The following PCDHA1 variants were observed in gnomAD, a reference collection of about 807,000 sequenced individuals.
PCDHA1 encodes protocadherin alpha 1.
Under a neutral mutation model 61.3 loss-of-function variants are expected in PCDHA1, and 42 were observed. The observed-to-expected ratio is 0.69, with a 90% CI of 0.54 to 0.89. PCDHA1 has a LOEUF of 0.89. Among genes scored for constraint, PCDHA1 ranks in the 40% least tolerant of loss-of-function variants. The probability of loss-of-function intolerance (pLI) is 0.00; values close to 1 mark genes in which losing one functional copy is unlikely to be tolerated. For missense variants in PCDHA1, 1,256 were observed against 1,235.3 expected, an observed-to-expected ratio of 1.02 and a Z score of -0.25; for synonymous variants, 610 against 553.8, an observed-to-expected ratio of 1.10 and a Z score of -1.43.
chr5:140,871,649 G>A (rs781859029), intron 1 of PCDHA1: 23 of 1,265,706 alleles, frequency 1.8e-5, no homozygotes, highest in Admixed American at 8.7e-5. Flanking sequence ...AATACCAAAT[G>A]ATACACATCT....
Position 140,843,307 on chromosome 5 carries a change from G to T in PCDHA1, c.2394+54623G>T, listed in dbSNP as rs2150357061. On this transcript the variant is annotated intron_variant, in intron 1 of 3. Coordinates refer to ENST00000504120, the MANE Select transcript of PCDHA1 (RefSeq NM_018900.4). ...ATGGTGAACCTGCGCTGACCGCCAC[G>T]GCCACGGTTCTGGTGTCGCTGGTGG... is the stretch of plus-strand genomic sequence containing the variant. The T allele has an allele frequency of 1.0e-5, 16 of 1,595,858 alleles. 3 individuals are homozygous for T. The highest frequency in any genetic ancestry group is 1.3e-5 in the African/African-American group (1 of 74,426).
At chr5:140,831,524 T>A (rs1771606843) in intron 1 of PCDHA1, among the ~76,000 whole-genome samples, 4 of 26,740 alleles carry the variant, frequency 1.5e-4, no homozygotes, top group Admixed American at 1.4e-3. Context: ...CCCCACCTTT[T>A]TTTTTTTTTT....
intron 1 of PCDHA1, chr5:140,870,674 A>G (rs893862947): frequency 7.4e-6 from 12 of 1,612,566 alleles, no homozygotes; most frequent in Admixed American, 6.7e-5. Flanking sequence ...CCGTTGGACC[A>G]CGAGGAGCTG....
intron 1 of PCDHA1, chr5:140,801,700 T>C: frequency 6.2e-7 from 1 of 1,614,224 alleles, no homozygotes. Context: ...AATTCGTTGT[T>C]GACTTACAGT....
rs1366024551 is a variant in PCDHA1, at chr5:140,786,228, T to C, written c.-63T>C. On this transcript the variant is annotated 5_prime_UTR_variant, in exon 1 of 4. Transcript: ENST00000504120. ...GTAAAGAGATAAATGATTGGAAATA[T>C]TAGATAAAATGGCATGATTTTGAAG... 2.0e-6 allele frequency: 3 copies of C among 1,506,836 alleles called. No homozygotes were observed. The highest frequency in any genetic ancestry group is 2.8e-5 in the African/African-American group (2 of 71,414). 93.3% of individuals were successfully genotyped at this position (1,506,836 alleles called of 1,614,324 possible).
intron 1 of PCDHA1, among the ~76,000 whole-genome samples, chr5:140,891,208 C>T (rs2062983751): frequency 1.3e-5 from 2 of 152,002 alleles, no homozygotes; most frequent in African/African-American, 4.8e-5. Context: ...TTTTACCATG[C>T]TGTGTCTTTA....
intron 1 of PCDHA1, chr5:140,884,136 G>A (rs371124724): frequency 1.2e-6 from 2 of 1,613,282 alleles, no homozygotes; most frequent in Non-Finnish European, 1.7e-6. Flanking sequence ...ATCCCGTTCC[G>A]CGTGGGGCTG....
At chr5:140,832,585 T>G (rs1306103831) in intron 1 of PCDHA1, among the ~76,000 whole-genome samples, 1 of 152,188 alleles carries the variant, frequency 6.6e-6, no homozygotes, top group Admixed American at 6.5e-5. Flanking sequence ...TCTTAGGAAG[T>G]AGAGAACTAT....
At chr5:140,869,561 C>G in intron 1 of PCDHA1, 1 of 1,614,150 alleles carries the variant, frequency 6.2e-7, no homozygotes, top group Non-Finnish European at 8.5e-7. Flanking sequence ...TCGCGTTTTC[C>G]ACTAGAGGGA....
intron 1 of PCDHA1, among the ~76,000 whole-genome samples, chr5:140,921,194 A>T (rs187774850): frequency 1.3e-5 from 2 of 152,046 alleles, no homozygotes; most frequent in Admixed American, 1.3e-4. Context: ...TTCACAATAG[A>T]TTGACAACGA....
rs554073823 is a variant in PCDHA1 at position 140,945,407 on chromosome 5, T to C, written c.2395-33542T>C. Among the ~76,000 whole-genome samples, 498 of 152,246 alleles carry C rather than the reference T, an allele frequency of 3.3e-3. 2 individuals carry two copies. Among genetic ancestry groups the C allele is most frequent in the African/African-American group, 0.011 (476 of 41,568 alleles). ...CAATATACAAATTCAATACAATTCG[T>C]ATCAAAATTTCAATGAAGTTTTTAC... On this transcript the variant is annotated intron_variant, in intron 1 of 3. Coordinates refer to ENST00000504120, the MANE Select transcript of PCDHA1 (RefSeq NM_018900.4).
intron 1 of PCDHA1, chr5:140,850,217 C>T (rs2150473800): frequency 1.1e-5 from 17 of 1,593,592 alleles, no homozygotes; most frequent in Non-Finnish European, 1.5e-5. Flanking sequence ...GGGGCACTGA[C>T]GGCGCAGTGA....
chr5:140,808,913 G>T (rs1396651990), intron 1 of PCDHA1: 7 of 1,613,442 alleles, frequency 4.3e-6, no homozygotes, highest in African/African-American at 4.0e-5. Flanking sequence ...CACTGGTGGC[G>T]CAGTGAGCGA....
intron 1 of PCDHA1, among the ~76,000 whole-genome samples, chr5:140,903,300 T>C (rs1368072567): frequency 6.6e-6 from 1 of 152,184 alleles, no homozygotes; most frequent in Non-Finnish European, 1.5e-5. Context: ...GGAAATTTAG[T>C]ATACAATAAA....
rs782680832 is a variant in PCDHA1 at position 140,801,867 on chromosome 5, G to T, written c.2394+13183G>T. ...TGATGGTGGGAAACCAGAGCTCACT[G>T]GCACGACTCAACTAAAGATCACTGT... On this transcript the variant is annotated intron_variant, in intron 1 of 3. Transcript: ENST00000504120. 1.5e-5 allele frequency: 25 copies of T among 1,613,978 alleles called. 2 individuals are homozygous for T. The South Asian group carries it at 2.7e-4, about 18-fold the overall frequency.
intron 1 of PCDHA1, chr5:140,867,266 A>G (rs553827522): frequency 2.6e-5 from 4 of 152,196 alleles, no homozygotes; most frequent in African/African-American, 9.6e-5. Flanking sequence ...CTTTTGTTCA[A>G]AATAAACCTG....
In PCDHA1 at chr5:140,788,330, G is replaced by A; in HGVS notation, c.2040G>A (p.Ser680=). 1.2e-6 allele frequency: 2 copies of A among 1,613,946 alleles called. No homozygotes were observed. The highest frequency in any genetic ancestry group is 1.7e-6 in the Non-Finnish European group (2 of 1,179,950). The change falls in exon 1 of 4, where the codon TCG becomes TCA. Residue 680 remains serine (S), a synonymous_variant. Coordinates refer to ENST00000504120, the MANE Select transcript of PCDHA1 (RefSeq NM_018900.4). ...VESGQAPKAS[S]RASVGVAGPE... is the part of the protein sequence containing the mutation. ...GCGGCCAGGCGCCAAAGGCGTCTTC[G>A]CGGGCGTCGGTGGGTGTCGCGGGCC...
intron 1 of PCDHA1, among the ~76,000 whole-genome samples, chr5:140,942,869 T>C (rs971576222): frequency 6.6e-6 from 1 of 152,088 alleles, no homozygotes; most frequent in African/African-American, 2.4e-5. Context: ...TGCTTTAGCA[T>C]GACAACTTTT....
chr5:140,967,997 C>T (rs551685820), intron 1 of PCDHA1: 1 of 1,614,102 alleles, frequency 6.2e-7, no homozygotes, highest in Non-Finnish European at 8.5e-7. Flanking sequence ...ACTGCCTTTC[C>T]GACTGAATGG....
Sources: allele counts gnomAD v4.1 joint callset (sites outside exome capture counted in the v4.1 genomes callset), GRCh38; gene constraint gnomAD v4.1.1; transcripts MANE v1.5; gene names NCBI Gene and HGNC (gene_info 2026-07-23, HGNC 2026-07-21).